KIRREL3: variants seen among roughly 807,000 people sequenced by gnomAD.
KIRREL3 encodes kin of IRRE-like protein 3.
KIRREL3 carries 36 observed loss-of-function variants against 89.7 expected under a neutral mutation model. The ratio of observed to expected loss-of-function variants is 0.40; its 90% CI spans 0.31 to 0.53. KIRREL3 has a LOEUF of 0.53. Among genes scored for constraint, KIRREL3 ranks in the 20% least tolerant of loss-of-function variants. The probability of loss-of-function intolerance (pLI) is 0.49; values close to 1 mark genes in which losing one functional copy is unlikely to be tolerated. For synonymous variants in KIRREL3, 445 were observed against 441.4 expected, an observed-to-expected ratio of 1.01 and a Z score of -0.10; for missense variants, 864 against 1,056.6, an observed-to-expected ratio of 0.82 and a Z score of 2.53.
At chr11:126,851,114 A>T (rs904773449) in intron 1 of KIRREL3, among the ~76,000 whole-genome samples, 6 of 152,190 alleles carry the variant, frequency 3.9e-5, no homozygotes, top group African/African-American at 1.4e-4. Context: ...ATTCTGTATA[A>T]AGAAGGCTTT....
intron 1 of KIRREL3, among the ~76,000 whole-genome samples, chr11:126,882,350 T>G (rs1488747551): frequency 6.6e-6 from 1 of 152,228 alleles, no homozygotes; most frequent in Non-Finnish European, 1.5e-5. Flanking sequence ...TGGGCCTACA[T>G]CCATTGCTGA....
intron 16 of KIRREL3, 143 bp from the exon 17 acceptor site, chr11:126,425,166 T>G: frequency 1.4e-6 from 1 of 714,940 alleles, no homozygotes; most frequent in Non-Finnish European, 2.3e-6. Context: ...GGGAGCAAAC[T>G]CAGGGGTGAA....
chr11:126,597,172 G>A (rs1222004054), intron 1 of KIRREL3, among the ~76,000 whole-genome samples: 1 of 152,212 alleles, frequency 6.6e-6, no homozygotes, highest in East Asian at 1.9e-4. Context: ...CCCAATCAGA[G>A]CCCTTGGCTC....
rs578107481 is a variant in KIRREL3, at chr11:126,891,433, C to A, written c.55+109022G>T. On this transcript the variant is annotated intron_variant, in intron 1 of 16. Coordinates refer to ENST00000525144, the MANE Select transcript of KIRREL3 (RefSeq NM_032531.4). The surrounding 1 kb of genome is among the most constrained non-coding windows in gnomAD (Gnocchi z 5.1). Reference sequence around the variant, plus strand: ...AAGGGCAAGGAGCTGGAAGGAAAGGCAGAAGAGGAGGCAAGAGGTGAGCCC... The same window carrying A: ...AAGGGCAAGGAGCTGGAAGGAAAGGAAGAAGAGGAGGCAAGAGGTGAGCCC... Among the ~76,000 whole-genome samples the A allele has an allele frequency of 1.3e-5, 2 of 152,240 alleles. No homozygotes were observed. Among genetic ancestry groups the A allele is most frequent in the East Asian group, 3.9e-4 (2 of 5,188 alleles).
At chr11:126,451,938 C>T (rs754797470) in intron 7 of KIRREL3, among the ~76,000 whole-genome samples, 2 of 152,176 alleles carry the variant, frequency 1.3e-5, no homozygotes, top group South Asian at 2.1e-4. Context: ...ACAGCCACTG[C>T]TCCCTGGAAC....
In KIRREL3 at chr11:126,513,368, G is replaced by A. The variant is rs1229099663; in HGVS notation, c.433+7947C>T. Among the ~76,000 whole-genome samples the A allele has an allele frequency of 2.0e-5, 3 of 152,264 alleles. No homozygotes were observed. Among genetic ancestry groups the A allele is most frequent in the East Asian group, 1.9e-4 (1 of 5,162 alleles). On this transcript the variant is annotated intron_variant, in intron 4 of 16. Coordinates refer to ENST00000525144, the MANE Select transcript of KIRREL3 (RefSeq NM_032531.4). The surrounding 1 kb of genome is among the most constrained non-coding windows in gnomAD (Gnocchi z 5.9). ...GAGCTTCTGGGCCCCTCCAGAAATC[G>A]CTCATGGTGGCACTGGCTGGGGTAG...
At position 126,918,149 on chromosome 11, in the gene KIRREL3, T is replaced by G. The variant is rs1295916585; in HGVS notation, c.55+82306A>C. Reference sequence around the variant, plus strand: ...TATGGCAGTTGAAGGACACACGACTTGAGGGAGATGGATGTTACTGAGGCA... The same window carrying G: ...TATGGCAGTTGAAGGACACACGACTGGAGGGAGATGGATGTTACTGAGGCA... On this transcript the variant is annotated intron_variant, in intron 1 of 16. Coordinates refer to ENST00000525144, the MANE Select transcript of KIRREL3 (RefSeq NM_032531.4). This position sits in a 1 kb window ranked among gnomAD's most constrained non-coding sequence, Gnocchi z 6.5. Among the ~76,000 whole-genome samples, 19 of 152,114 alleles carry G rather than the reference T, an allele frequency of 1.2e-4. No homozygotes were observed. Among genetic ancestry groups the G allele is most frequent in the Admixed American group, 1.2e-3 (18 of 15,276 alleles).
At chr11:126,853,068 G>C (rs1293616088) in intron 1 of KIRREL3, among the ~76,000 whole-genome samples, 1 of 151,984 alleles carries the variant, frequency 6.6e-6, no homozygotes, top group Non-Finnish European at 1.5e-5. Flanking sequence ...AAGTTTTTTT[G>C]TGTTGTTGCT....
intron 5 of KIRREL3, among the ~76,000 whole-genome samples, chr11:126,472,768 T>C (rs1956934841): frequency 7.1e-6 from 1 of 141,176 alleles, no homozygotes; most frequent in Non-Finnish European, 1.5e-5. Context: ...CACATACAAA[T>C]GAGTAGGAGA....
chr11:126,822,355 G>A (rs1943254168), intron 1 of KIRREL3, among the ~76,000 whole-genome samples: 1 of 152,186 alleles, frequency 6.6e-6, no homozygotes, highest in Non-Finnish European at 1.5e-5. Flanking sequence ...TGTTGTATGG[G>A]AAGGAGAAGG....
At chr11:126,838,464 C>T (rs938880905) in intron 1 of KIRREL3, among the ~76,000 whole-genome samples, 1 of 152,164 alleles carries the variant, frequency 6.6e-6, no homozygotes, top group African/African-American at 2.4e-5. Flanking sequence ...TTAAATTTTG[C>T]CAACTCTGGA....
At chr11:126,456,679 C>T (rs1410779934) in intron 6 of KIRREL3, among the ~76,000 whole-genome samples, 1 of 152,164 alleles carries the variant, frequency 6.6e-6, no homozygotes, top group Non-Finnish European at 1.5e-5. Flanking sequence ...CTGGTGTGGA[C>T]ACGAACCCCG....
At chr11:126,984,794 G>T (rs1949814910) in intron 1 of KIRREL3, among the ~76,000 whole-genome samples, 1 of 152,138 alleles carries the variant, frequency 6.6e-6, no homozygotes, top group South Asian at 2.1e-4. Context: ...AGTGCCCCCA[G>T]GAGCTTCCTC....
intron 1 of KIRREL3, among the ~76,000 whole-genome samples, chr11:126,585,418 G>C (rs1387935406): frequency 6.6e-6 from 1 of 151,480 alleles, no homozygotes; most frequent in Non-Finnish European, 1.5e-5. Context: ...ATTTTCAGTA[G>C]AGATGGGTTT....
At chr11:126,518,278 C>A (rs1591666559) in intron 4 of KIRREL3, among the ~76,000 whole-genome samples, 1 of 152,228 alleles carries the variant, frequency 6.6e-6, no homozygotes, top group South Asian at 2.1e-4. Context: ...AGCGGCTCTG[C>A]GAGCTGGCCC....
rs1948631551 is a variant in KIRREL3 at position 126,946,807 on chromosome 11, C to T, written c.55+53648G>A. Among the ~76,000 whole-genome samples, 1 of 152,156 alleles carries T rather than the reference C, an allele frequency of 6.6e-6. No homozygotes were observed. ...CAGGTTTTGTTGCAATTTATCTTCA[C>T]GAAACAACCATATAAGTAGATATCA... is the stretch of plus-strand genomic sequence containing the variant. On this transcript the variant is annotated intron_variant, in intron 1 of 16. Transcript: ENST00000525144. This position sits in a 1 kb window ranked among gnomAD's most constrained non-coding sequence, Gnocchi z 4.1.
rs1433598798 is a variant in KIRREL3, at chr11:126,918,999, TTA to T, written c.55+81454_55+81455del. 8.0e-5 allele frequency among the ~76,000 whole-genome samples: 12 copies of T among 149,614 alleles called. No homozygotes were observed. Among genetic ancestry groups the T allele is most frequent in the Admixed American group, 1.3e-4 (2 of 14,926 alleles). Reference sequence around the variant, plus strand: ...ACATCATATTATATTATTATTTGTATTATATATATGTATATATGTATTATTAT... The same window carrying T: ...ACATCATATTATATTATTATTTGTATTATATATGTATATATGTATTATTAT... On this transcript the variant is annotated intron_variant, in intron 1 of 16. Coordinates refer to ENST00000525144, the MANE Select transcript of KIRREL3 (RefSeq NM_032531.4). The surrounding 1 kb of genome is among the most constrained non-coding windows in gnomAD (Gnocchi z 6.5).
chr11:126,908,025 A>G lies in KIRREL3; in HGVS notation c.55+92430T>C, dbSNP rs2134884509. 6.6e-6 allele frequency among the ~76,000 whole-genome samples: 1 copy of G among 152,150 alleles called. No homozygotes were observed. The highest frequency in any genetic ancestry group is 2.1e-4 in the South Asian group (1 of 4,802). ...GTGATGTCACACCGCCACCCAAAAGACACCCCCCAAATTCTTCCCTGCTTT... is the reference window on the plus strand; with the variant it reads ...GTGATGTCACACCGCCACCCAAAAGGCACCCCCCAAATTCTTCCCTGCTTT... On this transcript the variant is annotated intron_variant, in intron 1 of 16. Coordinates refer to ENST00000525144, the MANE Select transcript of KIRREL3 (RefSeq NM_032531.4). The surrounding 1 kb of genome is among the most constrained non-coding windows in gnomAD (Gnocchi z 4.2).
At position 126,446,887 on chromosome 11, in the gene KIRREL3, C is replaced by T; in HGVS notation, c.998-1G>A. On this transcript the variant is annotated splice_acceptor_variant, in intron 8 of 16. Coordinates refer to ENST00000525144, the MANE Select transcript of KIRREL3 (RefSeq NM_032531.4). LOFTEE classifies it high-confidence loss of function. ...GGTTCTGTGGTCATCCGGGGCCCAA[C>T]TGCGATGTGAGGAAGAAGAAGACAG... 3.1e-6 allele frequency: 5 copies of T among 1,605,284 alleles called. No homozygotes were observed. The highest frequency in any genetic ancestry group is 2.6e-6 in the Non-Finnish European group (3 of 1,176,090).
Sources: gnomAD v4.1 joint callset for allele counts (sites outside exome capture counted in the v4.1 genomes callset) on GRCh38, gnomAD v4.1.1 for gene constraint, Gnocchi (gnomAD v3.1) non-coding constraint, MANE v1.5 for transcripts, NCBI Gene and HGNC (gene_info 2026-07-23, HGNC 2026-07-21) for gene names.